FOCAD: variants seen among roughly 807,000 people sequenced by gnomAD.
FOCAD encodes KIAA1797.
Under a neutral mutation model 225.6 loss-of-function variants are expected in FOCAD, and 198 were observed. The observed-to-expected ratio is 0.88, with a 90% CI of 0.78 to 0.99. FOCAD has a LOEUF of 0.99. Among genes scored for constraint, FOCAD ranks in the 50% least tolerant of loss-of-function variants. The pLI is 0.00. For synonymous variants in FOCAD, 897 were observed against 755.0 expected (o/e 1.19, Z -3.08); for missense variants, 2,713 against 2,123.6 (o/e 1.28, Z -5.46).
At chr9:20,758,663 G>C (rs1182572235) in intron 6 of FOCAD, among the ~76,000 whole-genome samples, 2 of 152,014 alleles carry the variant, frequency 1.3e-5, no homozygotes, top group Non-Finnish European at 2.9e-5. Flanking sequence ...ATGATTTCCA[G>C]TTACATTCAT....
rs773324550 is a variant in FOCAD, at chr9:20,885,240, C to T, written c.2625+10C>T. ...TGCTCTTGTACATGAGGTAGGTTCC[C>T]GTGTCCTCTTCTTTATGTTTTAGTG... On this transcript the variant is annotated intron_variant, in intron 21 of 43. Coordinates refer to ENST00000338382, the MANE Select transcript of FOCAD (RefSeq NM_001375567.1). 6 of 1,484,296 alleles carry T rather than the reference C, an allele frequency of 4.0e-6. No homozygotes were observed. Among genetic ancestry groups the T allele is most frequent in the South Asian group, 1.5e-5 (1 of 65,996 alleles). The allele number at this position is 1,484,296 out of a possible 1,614,324, so 91.9% of individuals were successfully genotyped here. A position where few individuals can be genotyped will look rare whatever the true frequency, so the allele number is the denominator to read the frequency against.
At chr9:20,982,502 A>G in intron 39 of FOCAD, 56 bp downstream of exon 39, 1 of 1,449,836 alleles carries the variant, frequency 6.9e-7, no homozygotes, top group Non-Finnish European at 9.6e-7. Flanking sequence ...ATTACGATTG[A>G]ATAATTGATT....
intron 27 of FOCAD, 134 bp from the exon 28 acceptor site, chr9:20,932,880 A>C: frequency 1.6e-6 from 1 of 636,250 alleles, no homozygotes; most frequent in Non-Finnish European, 2.7e-6. Context: ...GCAACTCATC[A>C]ATATTGTCAC....
At chr9:20,668,860 A>C (rs1821973705) in intron 2 of FOCAD, among the ~76,000 whole-genome samples, 1 of 151,838 alleles carries the variant, frequency 6.6e-6, no homozygotes, top group African/African-American at 2.4e-5. Flanking sequence ...AGTGGTGATC[A>C]CACCAGACAA....
At position 20,803,001 on chromosome 9, in the gene FOCAD, C is replaced by T. The variant is rs566292332; in HGVS notation, c.1455+13393C>T. Among the ~76,000 whole-genome samples the T allele has an allele frequency of 9.2e-5, 14 of 152,078 alleles. No homozygotes were observed. The South Asian group carries it at 2.9e-3, about 32-fold the overall frequency. On this transcript the variant is annotated intron_variant, in intron 11 of 43. Coordinates refer to ENST00000338382, the MANE Select transcript of FOCAD (RefSeq NM_001375567.1). Reference sequence around the variant, plus strand: ...TTTTTCTCTAATTCCGTATTGCCTCCTTTCATTATTTCCAGTAGTGTGAAT... The same window carrying T: ...TTTTTCTCTAATTCCGTATTGCCTCTTTTCATTATTTCCAGTAGTGTGAAT...
At chr9:20,811,147 T>C (rs1164988518) in intron 11 of FOCAD, among the ~76,000 whole-genome samples, 2 of 152,088 alleles carry the variant, frequency 1.3e-5, no homozygotes, top group Non-Finnish European at 2.9e-5. Context: ...ACAAGGAAAT[T>C]AGACATAATT....
In FOCAD at chr9:20,937,921, A is replaced by T. The variant is rs568281682; in HGVS notation, c.3407+4818A>T. Among the ~76,000 whole-genome samples the T allele has an allele frequency of 2.6e-5, 4 of 152,354 alleles. No homozygotes were observed. In the South Asian group the frequency reaches 8.3e-4, roughly 32 times the overall value. On this transcript the variant is annotated intron_variant, in intron 28 of 43. Transcript: ENST00000338382. Reference sequence around the variant, plus strand: ...AACCCCATCAACAAGTGGGCAAAGGATATGAACAGACACTTCTCAAAAGAA... The same window carrying T: ...AACCCCATCAACAAGTGGGCAAAGGTTATGAACAGACACTTCTCAAAAGAA...
rs183661671 is a variant in FOCAD at position 20,957,039 on chromosome 9, A to T, written c.4132+3974A>T. Among the ~76,000 whole-genome samples the T allele has an allele frequency of 5.2e-3, 788 of 152,256 alleles. 3 individuals carry two copies. The highest frequency in any genetic ancestry group is 9.2e-3 in the Non-Finnish European group (628 of 68,016). ...TATATTATAAACTTTCCCTGTTTTC[A>T]TATATCACCATAACAATTGTATAAT... is the stretch of plus-strand genomic sequence containing the variant. On this transcript the variant is annotated intron_variant, in intron 35 of 43. Transcript: ENST00000338382.
At chr9:20,681,805 G>T (rs556247303), upstream of FOCAD, among the ~76,000 whole-genome samples, 1 of 152,354 alleles carries the variant, frequency 6.6e-6, no homozygotes, top group Admixed American at 6.5e-5. Flanking sequence ...CCAGAAGGAG[G>T]GGGTGAGCCC....
chr9:20,799,356 A>G (rs966595679), intron 11 of FOCAD, among the ~76,000 whole-genome samples: 2 of 152,194 alleles, frequency 1.3e-5, no homozygotes, highest in Admixed American at 6.5e-5. Flanking sequence ...GTAGATGTCT[A>G]TTAGGTCTGC....
At chr9:20,662,056 C>T (rs1416559710) in intron 2 of FOCAD, among the ~76,000 whole-genome samples, 1 of 152,094 alleles carries the variant, frequency 6.6e-6, no homozygotes, top group Non-Finnish European at 1.5e-5. Flanking sequence ...ATGATATTTG[C>T]CTTAGTTGCA....
rs1563905518 is a variant in FOCAD at position 20,714,638 on chromosome 9, T to TGCCTGCCTGCCTGCCTG, written c.-32-684_-32-683insGCCTGCCTGCCTGCCTG. ...TGCCTGCCTGCCTGCCTGCCTGCCTTCCTTCCTTCCTTCCTTCCTTCCTTC... is the reference window on the plus strand; with the variant it reads ...TGCCTGCCTGCCTGCCTGCCTGCCTTGCCTGCCTGCCTGCCTGCCTTCCTTCCTTCCTTCCTTCCTTC... On this transcript the variant is annotated intron_variant, in intron 1 of 43. Transcript: ENST00000338382. Among the ~76,000 whole-genome samples, 206 of 55,202 alleles carry TGCCTGCCTGCCTGCCTG rather than the reference T, an allele frequency of 3.7e-3. 2 individuals are homozygous for TGCCTGCCTGCCTGCCTG. Among genetic ancestry groups the TGCCTGCCTGCCTGCCTG allele is most frequent in the African/African-American group, 0.012 (167 of 14,498 alleles). The allele number at this position is 55,202 out of a possible 152,430, so 36.2% of individuals were successfully genotyped here.
intron 21 of FOCAD, among the ~76,000 whole-genome samples, chr9:20,901,375 C>T (rs938293894): frequency 6.6e-6 from 1 of 151,772 alleles, no homozygotes; most frequent in African/African-American, 2.4e-5. Context: ...TTAAAATTAA[C>T]AGCAAATACT....
chr9:20,729,527 G>T (rs1296040045), intron 4 of FOCAD, among the ~76,000 whole-genome samples: 2 of 152,098 alleles, frequency 1.3e-5, no homozygotes, highest in South Asian at 2.1e-4. Flanking sequence ...AGGTACTGGG[G>T]GTTGGGATTT....
At chr9:20,990,468 T>G in intron 42 of FOCAD, 94 bp downstream of exon 42, 2 of 1,425,494 alleles carry the variant, frequency 1.4e-6, no homozygotes, top group Non-Finnish European at 1.9e-6. Context: ...AAGTGCGTCT[T>G]GAATCACACC....
intron 34 of FOCAD, among the ~76,000 whole-genome samples, chr9:20,951,834 G>T (rs142017945): frequency 2.7e-4 from 41 of 152,272 alleles, no homozygotes; most frequent in Non-Finnish European, 1.5e-4. Context: ...TGACCCACTG[G>T]CTATCTTGGA....
At chr9:20,728,149 A>T (rs146322373) in intron 4 of FOCAD, among the ~76,000 whole-genome samples, 10,263 of 151,884 alleles carry the variant, frequency 0.068, 666 homozygotes, top group African/African-American at 0.17. Context: ...TTAAAAAAAA[A>T]TTTTTTTTGA....
At chr9:20,905,978 T>C (rs553507320) in intron 21 of FOCAD, among the ~76,000 whole-genome samples, 2 of 151,712 alleles carry the variant, frequency 1.3e-5, no homozygotes, top group South Asian at 4.1e-4. Flanking sequence ...AAGTAATAGA[T>C]AGCAGTAAGA....
intron 43 of FOCAD, among the ~76,000 whole-genome samples, chr9:20,993,888 C>A (rs1587811381): frequency 6.6e-6 from 1 of 152,080 alleles, no homozygotes; most frequent in East Asian, 1.9e-4. Context: ...GTAAAATATT[C>A]TTTTAATTAA....
Sources: gnomAD v4.1 joint callset for allele counts (sites outside exome capture counted in the v4.1 genomes callset) on GRCh38, gnomAD v4.1.1 for gene constraint, MANE v1.5 for transcripts, NCBI Gene and HGNC (gene_info 2026-07-23, HGNC 2026-07-21) for gene names.